ALS2: variants seen among roughly 807,000 people sequenced by gnomAD.
ALS2 encodes the protein alsin Rho guanine nucleotide exchange factor ALS2.
Under a neutral mutation model 203.4 loss-of-function variants are expected in ALS2, and 117 were observed. The ratio of observed to expected loss-of-function variants is 0.58; its 90% confidence interval spans 0.50 to 0.67. The LOEUF (loss-of-function observed/expected upper bound fraction) is 0.67, where lower values mean the gene tolerates loss of function less well. Among genes scored for constraint, ALS2 ranks in the 30% least tolerant of loss-of-function variants. ALS2 has a pLI of 0.00. For missense variants in ALS2, 1,715 were observed against 1,989.4 expected (o/e 0.86, Z 2.62); for synonymous variants, 718 against 725.9 (o/e 0.99, Z 0.17).
At chr2:201,712,004 T>C (rs903137691) in intron 25 of ALS2, among the ~76,000 whole-genome samples, 3 of 152,174 alleles carry the variant, frequency 2.0e-5, no homozygotes, top group Non-Finnish European at 4.4e-5. Context: ...CCATTTCTTC[T>C]ACTGATAGAG....
rs982235798 is a variant in ALS2 at position 201,780,912 on chromosome 2, G to T, written c.-96C>A. ...ACCGGCAGCACCGCGCTCCGCATCC[G>T]GCGCGAGCTTGGCAACCCAGTGGGT... is the stretch of plus-strand genomic sequence containing the variant. On this transcript the variant is annotated 5_prime_UTR_variant, in exon 1 of 34. Transcript: ENST00000264276. 1 of 152,658 alleles carries T rather than the reference G, an allele frequency of 6.6e-6. No individual in the cohort carries two copies. Among genetic ancestry groups the T allele is most frequent in the African/African-American group, 2.4e-5 (1 of 41,474 alleles). 9.5% of individuals were successfully genotyped at this position (152,658 alleles called of 1,614,324 possible).
chr2:201,740,851 AAACAAAACACC>A (rs1309839851), intron 11 of ALS2, among the ~76,000 whole-genome samples: 2 of 152,204 alleles, frequency 1.3e-5, no homozygotes, highest in African/African-American at 4.8e-5. Context: ...TAAATAATCA[AAACAAAACACC>A]AACAAAACAC....
intron 19 of ALS2, 90 bp from the exon 20 acceptor site, chr2:201,725,544 G>C: frequency 9.2e-7 from 1 of 1,085,290 alleles, no homozygotes; most frequent in Non-Finnish European, 1.4e-6. Context: ...TTTTAACAAG[G>C]AAGACAGAGA....
At chr2:201,711,166 T>C in intron 25 of ALS2, 58 bp from the exon 26 acceptor site, 3 of 1,082,058 alleles carry the variant, frequency 2.8e-6, no homozygotes, top group Non-Finnish European at 4.3e-6. Flanking sequence ...AAGATACGTG[T>C]AAATACTCAC....
intron 28 of ALS2, among the ~76,000 whole-genome samples, chr2:201,707,390 A>T (rs1044854669): frequency 6.6e-6 from 1 of 151,470 alleles, no homozygotes; most frequent in African/African-American, 2.4e-5. Flanking sequence ...ATAGTACTTG[A>T]GAGAACTAAG....
intron 29 of ALS2, among the ~76,000 whole-genome samples, chr2:201,706,458 A>G (rs1363675111): frequency 6.7e-6 from 1 of 150,218 alleles, no homozygotes; most frequent in Non-Finnish European, 1.5e-5. Flanking sequence ...AGGAGAGAAA[A>G]GAAGAGAAGG....
intron 12 of ALS2, among the ~76,000 whole-genome samples, chr2:201,737,908 C>A (rs1015488233): frequency 1.3e-5 from 2 of 151,180 alleles, no homozygotes; most frequent in African/African-American, 2.4e-5. Flanking sequence ...GATGACAGAG[C>A]GAGACCCCGT....
rs150282277 is a variant in ALS2, at chr2:201,714,528, C to T, written c.4004+1144G>A. Among the ~76,000 whole-genome samples the T allele has an allele frequency of 1.3e-3, 194 of 152,324 alleles. 3 individuals are homozygous for T. The highest frequency in any genetic ancestry group is 4.2e-3 in the African/African-American group (173 of 41,576). ...CTTTTTCCCTTATGATCTGGTTGTG[C>T]GTCCCTACCATGTTGCTGTAATCTT... On this transcript the variant is annotated intron_variant, in intron 25 of 33. Coordinates refer to ENST00000264276, the MANE Select transcript of ALS2 (RefSeq NM_020919.4).
At chr2:201,749,403 T>A (rs1358273303) in intron 8 of ALS2, among the ~76,000 whole-genome samples, 1 of 152,172 alleles carries the variant, frequency 6.6e-6, no homozygotes, top group African/African-American at 2.4e-5. Context: ...CTGGTAACGC[T>A]GAGAAAACAG....
At chr2:201,757,209 C>T (rs562217681) in intron 5 of ALS2, among the ~76,000 whole-genome samples, 193 bp downstream of exon 5, 12 of 152,286 alleles carry the variant, frequency 7.9e-5, no homozygotes, top group Admixed American at 2.6e-4. Context: ...GAAAAAGTGA[C>T]GTTCTAACTT....
In ALS2 at chr2:201,727,782, CAG is replaced by C; in HGVS notation, c.2842-9_2842-8del. ...AAACATGGTGCGTGGAGAACTGAAA[CAG>C]AGAACACGGAGGCACTTTTATGAAA... On this transcript the variant is annotated splice_region_variant and splice_polypyrimidine_tract_variant and intron_variant, in intron 15 of 33. Coordinates refer to ENST00000264276, the MANE Select transcript of ALS2 (RefSeq NM_020919.4). 6.4e-7 allele frequency: 1 copy of C among 1,551,640 alleles called. No individual in the cohort carries two copies. The highest frequency in any genetic ancestry group is 1.7e-4 in the Middle Eastern group (1 of 5,982).
chr2:201,758,206 G>A (rs1693520666), intron 4 of ALS2, among the ~76,000 whole-genome samples: 1 of 151,848 alleles, frequency 6.6e-6, no homozygotes, highest in Non-Finnish European at 1.5e-5. Context: ...AGAAGTGGCA[G>A]GAAAAAAATT....
intron 33 of ALS2, among the ~76,000 whole-genome samples, chr2:201,703,674 G>T (rs762498112): frequency 6.6e-6 from 1 of 152,118 alleles, no homozygotes; most frequent in Non-Finnish European, 1.5e-5. Flanking sequence ...GATCAAAGAA[G>T]CTCATTTGTA....
chr2:201,720,133 T>C (rs745566206), intron 23 of ALS2: 1 of 438,730 alleles, frequency 2.3e-6, no homozygotes, highest in South Asian at 1.6e-5. Flanking sequence ...ATTATCCTGA[T>C]ATCAAAGACA....
At position 201,721,506 on chromosome 2, in the gene ALS2, T is replaced by G. The variant is rs191967700; in HGVS notation, c.3702+1537A>C. ...AACTGAGAGACCAGAAATAAACACA[T>G]TTTCTGGTCAACAAAGGTGCCAAGA... is the stretch of plus-strand genomic sequence containing the variant. On this transcript the variant is annotated intron_variant, in intron 23 of 33. Coordinates refer to ENST00000264276, the MANE Select transcript of ALS2 (RefSeq NM_020919.4). Among the ~76,000 whole-genome samples, 25 of 152,246 alleles carry G rather than the reference T, an allele frequency of 1.6e-4. No individual in the cohort carries two copies. In the East Asian group the frequency reaches 4.6e-3, roughly 28 times the overall value.
chr2:201,768,119 G>C (rs1694195791), intron 2 of ALS2, among the ~76,000 whole-genome samples: 1 of 152,050 alleles, frequency 6.6e-6, no homozygotes, highest in Non-Finnish European at 1.5e-5. Flanking sequence ...ATGAGAAACA[G>C]GAATTCATAT....
chr2:201,747,189 T>G (rs1400370551), intron 8 of ALS2, among the ~76,000 whole-genome samples: 1 of 152,188 alleles, frequency 6.6e-6, no homozygotes, highest in Admixed American at 6.5e-5. Context: ...TAAATTCTAT[T>G]CTGGCCAACT....
In ALS2 at chr2:201,746,687, A is replaced by G; in HGVS notation, c.1877T>C (p.Val626Ala). The G allele has an allele frequency of 6.2e-7, 1 of 1,614,092 alleles. No homozygotes were observed. Among genetic ancestry groups the G allele is most frequent in the South Asian group, 1.1e-5 (1 of 91,072 alleles). ...CCCAGGCTGGAAGTCTTCTGTATCC[A>G]CTAAAAACAGGGAATAATCCCTGCC... The part of the protein sequence containing the change: ...AAGRDYSLFL[V>A]DTEDFQPGLY... Residue 626 changes from valine (V) to alanine (A), a missense_variant, in exon 9 of 34, where the codon GTG becomes GCG. Around this residue, in one of 3 missense-constraint regions of ALS2, gnomAD observed 1,227 missense variants for 1,413.5 expected, o/e 0.87. Coordinates refer to ENST00000264276, the MANE Select transcript of ALS2 (RefSeq NM_020919.4).
At chr2:201,778,467 A>C (rs1157891824) in intron 1 of ALS2, 1 of 152,174 alleles carries the variant, frequency 6.6e-6, no homozygotes, top group Non-Finnish European at 1.5e-5. Context: ...AGCTACATGC[A>C]GGCAAACATC....
Sources: gnomAD v4.1 joint callset for allele counts (sites outside exome capture counted in the v4.1 genomes callset) on GRCh38, gnomAD v4.1.1 for gene constraint, gnomAD v4.1.1 regional missense constraint, MANE v1.5 for transcripts, NCBI Gene and HGNC (gene_info 2026-07-23, HGNC 2026-07-21) for gene names.